ADORA1: variants seen among roughly 807,000 people sequenced by gnomAD.
ADORA1 encodes adenosine A1 receptor.
Under a neutral mutation model 19.9 loss-of-function variants are expected in ADORA1, and 6 were observed. The observed-to-expected ratio is 0.30, with a 90% CI of 0.17 to 0.59. The LOEUF is 0.59. Ranked by LOEUF, ADORA1 falls within the 20% of genes least tolerant of loss-of-function variation. The pLI is 0.87. For missense variants in ADORA1, 302 were observed against 439.2 expected (o/e 0.69, Z 2.79); for synonymous variants, 194 against 188.4 (o/e 1.03, Z -0.24).
Position 203,165,136 on chromosome 1 carries a change from A to C in ADORA1, c.342-125A>C. 1 of 1,561,904 alleles carries C rather than the reference A, an allele frequency of 6.4e-7. No homozygotes were observed. Among genetic ancestry groups the C allele is most frequent in the Non-Finnish European group, 8.7e-7 (1 of 1,153,290 alleles). The stretch of plus-strand genomic sequence containing the variant: ...TCGAGCAAAAGACATGCACCTCCCC[A>C]CTCACCGGGCCCTGGAAGAGGAGGG... On this transcript the variant is annotated intron_variant, in intron 3 of 3. Coordinates refer to ENST00000337894, the MANE Select transcript of ADORA1 (RefSeq NM_000674.3). This position sits in a 1 kb window ranked among gnomAD's most constrained non-coding sequence, Gnocchi z 5.9.
chr1:203,131,303 G>A (rs937370830), intron 3 of ADORA1, among the ~76,000 whole-genome samples: 1 of 152,202 alleles, frequency 6.6e-6, no homozygotes, highest in African/African-American at 2.4e-5. Flanking sequence ...CCCAGGAGGT[G>A]TCTAAGTACT....
rs374400699 is a variant in ADORA1 at position 203,128,853 on chromosome 1, C to T, written c.12C>T (p.Ser4=). 1.3e-6 allele frequency: 2 copies of T among 1,599,990 alleles called. No homozygotes were observed. The highest frequency in any genetic ancestry group is 1.7e-6 in the Non-Finnish European group (2 of 1,174,982). MPP[S]ISAFQAAYIG... is the part of the protein sequence containing the mutation. The stretch of plus-strand genomic sequence containing the variant: ...AGCCTGTGCCCGCCATGCCGCCCTC[C>T]ATCTCAGCTTTCCAGGCCGCCTACA... The change falls in exon 3 of 4, where the codon TCC becomes TCT. Residue 4 remains serine (S), a synonymous_variant. Transcript: ENST00000337894. The surrounding 1 kb of genome is among the most constrained non-coding windows in gnomAD (Gnocchi z 5.9).
At chr1:203,136,317 T>C (rs769198877) in intron 3 of ADORA1, among the ~76,000 whole-genome samples, 3 of 151,958 alleles carry the variant, frequency 2.0e-5, no homozygotes, top group Non-Finnish European at 2.9e-5. Flanking sequence ...GGCAGGGAGA[T>C]GGGGGCAGCT....
chr1:203,141,400 G>A (rs992296763), intron 3 of ADORA1, among the ~76,000 whole-genome samples: 1 of 152,078 alleles, frequency 6.6e-6, no homozygotes, highest in Non-Finnish European at 1.5e-5. Context: ...CTCTGGGAGA[G>A]CAGGGGCTGG....
intron 3 of ADORA1, among the ~76,000 whole-genome samples, chr1:203,151,234 T>C (rs1283223413): frequency 6.6e-6 from 1 of 152,098 alleles, no homozygotes; most frequent in African/African-American, 2.4e-5. Context: ...CCTGGCCACT[T>C]CCCCAGTGGA....
chr1:203,150,898 C>T (rs1655010620), intron 3 of ADORA1: 4 of 948,696 alleles, frequency 4.2e-6, no homozygotes, highest in South Asian at 1.6e-5. Flanking sequence ...AGCTCAGTGA[C>T]AGCAGCTGCC....
chr1:203,153,408 C>G (rs897162975), intron 3 of ADORA1, among the ~76,000 whole-genome samples: 2 of 152,144 alleles, frequency 1.3e-5, no homozygotes, highest in Non-Finnish European at 2.9e-5. Context: ...CACACAGGAA[C>G]CTCATTATTT....
At position 203,166,702 on chromosome 1, in the gene ADORA1, G is replaced by C. The variant is rs894829613; in HGVS notation, c.*802G>C. ...CCCTCCTTCTTGCCCTGAGCTTTCC[G>C]GGGAGGAGCCTTGGAGTGTAATTAC... On this transcript the variant is annotated 3_prime_UTR_variant, in exon 4 of 4. Coordinates refer to ENST00000337894, the MANE Select transcript of ADORA1 (RefSeq NM_000674.3). The C allele has an allele frequency of 5.2e-5, 1 of 19,260 alleles. No homozygotes were observed. Among genetic ancestry groups the C allele is most frequent in the South Asian group, 2.7e-3 (1 of 372 alleles). 1.2% of individuals were successfully genotyped at this position (19,260 alleles called of 1,614,324 possible). A position where few individuals can be genotyped will look rare whatever the true frequency, so the allele number is the denominator to read the frequency against.
At chr1:203,164,256 C>T (rs530827423) in intron 3 of ADORA1, among the ~76,000 whole-genome samples, 1 of 152,240 alleles carries the variant, frequency 6.6e-6, no homozygotes, top group Non-Finnish European at 1.5e-5. Flanking sequence ...AAGGACATAT[C>T]ATGATCTATA....
chr1:203,133,838 C>G (rs1303570921), intron 3 of ADORA1, among the ~76,000 whole-genome samples: 4 of 152,196 alleles, frequency 2.6e-5, no homozygotes, highest in African/African-American at 9.7e-5. Flanking sequence ...GGAAAGAAAT[C>G]TGGTAAATTA....
At chr1:203,153,103 G>A (rs1340364322) in intron 3 of ADORA1, among the ~76,000 whole-genome samples, 3 of 152,154 alleles carry the variant, frequency 2.0e-5, no homozygotes, top group Non-Finnish European at 4.4e-5. Flanking sequence ...GAGAGAGAGA[G>A]AAAAGAGCTC....
intron 3 of ADORA1, among the ~76,000 whole-genome samples, chr1:203,136,594 A>G (rs772587458): frequency 1.3e-5 from 2 of 152,138 alleles, no homozygotes; most frequent in Non-Finnish European, 2.9e-5. Flanking sequence ...GAGATGATGG[A>G]TTCCCACAGA....
At chr1:203,164,823 T>C (rs1005387452) in intron 3 of ADORA1, among the ~76,000 whole-genome samples, 5 of 152,192 alleles carry the variant, frequency 3.3e-5, no homozygotes, top group African/African-American at 9.7e-5. Flanking sequence ...GCAGATCCTG[T>C]GATTACTTTG....
chr1:203,128,150 C>T lies in ADORA1; in HGVS notation c.-212-128C>T, dbSNP rs1251480282. 6 of 377,228 alleles carry T rather than the reference C, an allele frequency of 1.6e-5. No homozygotes were observed. The highest frequency in any genetic ancestry group is 2.9e-5 in the Non-Finnish European group (6 of 205,054). 23.4% of individuals were successfully genotyped at this position (377,228 alleles called of 1,614,324 possible). ...CGCTGGGGAATAGGGAGAAACGCCC[C>T]AGCCTTGTCCTGGGCTCCGTCCCCA... On this transcript the variant is annotated intron_variant, in intron 1 of 3. Coordinates refer to ENST00000337894, the MANE Select transcript of ADORA1 (RefSeq NM_000674.3). This position sits in a 1 kb window ranked among gnomAD's most constrained non-coding sequence, Gnocchi z 5.9.
intron 3 of ADORA1, among the ~76,000 whole-genome samples, chr1:203,136,470 A>G (rs1356818581): frequency 6.6e-6 from 1 of 152,204 alleles, no homozygotes; most frequent in Non-Finnish European, 1.5e-5. Context: ...TATCTATTTT[A>G]TAAGTGTGCT....
At chr1:203,151,983 A>G (rs967898639) in intron 3 of ADORA1, among the ~76,000 whole-genome samples, 3 of 152,070 alleles carry the variant, frequency 2.0e-5, no homozygotes, top group African/African-American at 4.8e-5. Context: ...CCTCCCCACA[A>G]GGAGTTCCGT....
rs1654211830 is a variant in ADORA1, at chr1:203,128,214, G to A, written c.-212-64G>A. The A allele has an allele frequency of 3.8e-6, 3 of 781,996 alleles. No individual in the cohort carries two copies. The South Asian group carries it at 5.2e-5, about 14-fold the overall frequency. The allele number at this position is 781,996 out of a possible 1,614,324, so 48.4% of individuals were successfully genotyped here. A position where few individuals can be genotyped will look rare whatever the true frequency, so the allele number is the denominator to read the frequency against. On this transcript the variant is annotated intron_variant, in intron 1 of 3. Transcript: ENST00000337894. This position sits in a 1 kb window ranked among gnomAD's most constrained non-coding sequence, Gnocchi z 5.9. ...CACCCCAGTCCCAGGTGCGAAACAG[G>A]GGCGCTACCTCTTTAAAAGCGTCCG...
In ADORA1 at chr1:203,165,871, G is replaced by T; in HGVS notation, c.952G>T (p.Asp318Tyr). 1 of 1,577,518 alleles carries T rather than the reference G, an allele frequency of 6.3e-7. No homozygotes were observed. Among genetic ancestry groups the T allele is most frequent in the Non-Finnish European group, 8.6e-7 (1 of 1,161,154 alleles). ...CCAGCCTGCACCTCCCATTGACGAG[G>T]ATCTCCCAGAAGAGAGGCCTGATGA... ...RCQPAPPIDE[D>Y]LPEERPDD is the part of the protein sequence containing the mutation. The change falls in exon 4 of 4, where the codon GAT (aspartate) becomes TAT (tyrosine). Residue 318 changes from aspartate to tyrosine, a missense_variant. Physicochemically the swap from Asp to Tyr is radical, Grantham distance 160. Coordinates refer to ENST00000337894, the MANE Select transcript of ADORA1 (RefSeq NM_000674.3). The surrounding 1 kb of genome is among the most constrained non-coding windows in gnomAD (Gnocchi z 5.9).
intron 3 of ADORA1, among the ~76,000 whole-genome samples, chr1:203,141,405 G>C (rs1654686099): frequency 1.3e-5 from 2 of 152,030 alleles, no homozygotes; most frequent in Non-Finnish European, 2.9e-5. Flanking sequence ...GGAGAGCAGG[G>C]GCTGGGACTC....
Sources: allele counts gnomAD v4.1 joint callset (sites outside exome capture counted in the v4.1 genomes callset), GRCh38; gene constraint gnomAD v4.1.1; non-coding constraint Gnocchi (gnomAD v3.1); transcripts MANE v1.5; gene names NCBI Gene and HGNC (gene_info 2026-07-23, HGNC 2026-07-21).